Variants in ZCCHC4 observed in about 807,000 individuals in gnomAD.
ZCCHC4 encodes the protein rRNA N(6)-adenosine-methyltransferase ZCCHC4.
In ZCCHC4, 54 loss-of-function variants were observed where a neutral mutation model predicts 67.7. That is an observed-to-expected ratio of 0.80 (90% CI 0.64 to 1.00). The LOEUF (loss-of-function observed/expected upper bound fraction) is 1.00, where lower values mean the gene tolerates loss of function less well. Among genes scored for constraint, ZCCHC4 ranks in the 50% least tolerant of loss-of-function variants. The pLI is 0.00. For synonymous variants in ZCCHC4, 198 were observed against 213.5 expected, an observed-to-expected ratio of 0.93 and a Z score of 0.63; for missense variants, 609 against 617.0, an observed-to-expected ratio of 0.99 and a Z score of 0.14.
chr4:25,328,700 G>T (rs1719020100), intron 3 of ZCCHC4, among the ~76,000 whole-genome samples: 3 of 151,782 alleles, frequency 2.0e-5, no homozygotes, highest in Admixed American at 2.0e-4. Context: ...CCCCACCTCA[G>T]CCTCCTGAGC....
At chr4:25,314,839 T>G (rs1560394664) in intron 2 of ZCCHC4, among the ~76,000 whole-genome samples, 1 of 152,186 alleles carries the variant, frequency 6.6e-6, no homozygotes, top group Non-Finnish European at 1.5e-5. Flanking sequence ...CAGAAAGTGT[T>G]AAAAAACACT....
chr4:25,349,469 A>C (rs368111256), intron 6 of ZCCHC4, 23 bp from the exon 7 acceptor site: 8 of 1,611,390 alleles, frequency 5.0e-6, no homozygotes, highest in Non-Finnish European at 6.8e-6. Context: ...CCTAATTTAG[A>C]AATGAATTTT....
chr4:25,330,351 A>G (rs1719116193), intron 3 of ZCCHC4, among the ~76,000 whole-genome samples: 1 of 151,908 alleles, frequency 6.6e-6, no homozygotes, highest in Non-Finnish European at 1.5e-5. Context: ...ACCTGGTAAT[A>G]TTTTATTGGA....
intron 5 of ZCCHC4, among the ~76,000 whole-genome samples, chr4:25,342,458 G>A (rs931941175): frequency 6.6e-6 from 1 of 152,052 alleles, no homozygotes; most frequent in African/African-American, 2.4e-5. Flanking sequence ...TGCTAAGATG[G>A]ATTTCTATAT....
chr4:25,316,667 T>A (rs780286524), intron 3 of ZCCHC4, among the ~76,000 whole-genome samples: 3 of 152,220 alleles, frequency 2.0e-5, no homozygotes, highest in Non-Finnish European at 4.4e-5. Flanking sequence ...TTGGGTTATC[T>A]TTTTGTTGTT....
At chr4:25,356,354 G>A (rs1386890329) in intron 8 of ZCCHC4, among the ~76,000 whole-genome samples, 2 of 152,154 alleles carry the variant, frequency 1.3e-5, no homozygotes, top group Admixed American at 1.3e-4. Flanking sequence ...CTGAAGCTAT[G>A]AAATATGGAT....
chr4:25,368,604 G>A (rs1047265319), intron 12 of ZCCHC4, among the ~76,000 whole-genome samples: 1 of 152,202 alleles, frequency 6.6e-6, no homozygotes, highest in African/African-American at 2.4e-5. Context: ...CCATTGTGCT[G>A]TTTCATTTTT....
chr4:25,361,426 G>T (rs892092286), intron 8 of ZCCHC4, among the ~76,000 whole-genome samples: 1 of 152,234 alleles, frequency 6.6e-6, no homozygotes, highest in African/African-American at 2.4e-5. Flanking sequence ...TGACTTAGCA[G>T]GTTTGGAGCG....
intron 5 of ZCCHC4, among the ~76,000 whole-genome samples, chr4:25,342,255 C>A (rs1042377012): frequency 3.3e-5 from 5 of 151,916 alleles, no homozygotes; most frequent in Non-Finnish European, 7.4e-5. Context: ...TCATAAAGAC[C>A]ACAGTTAAAT....
At chr4:25,362,069 A>G in intron 9 of ZCCHC4, 89 bp downstream of exon 9, 4 of 1,502,626 alleles carry the variant, frequency 2.7e-6, no homozygotes, top group Non-Finnish European at 3.6e-6. Context: ...GTATTGAATC[A>G]TGTTATTCTT....
In ZCCHC4 at chr4:25,364,439, T is replaced by C. The variant is rs766878393; in HGVS notation, c.1210-15T>C. 212 of 1,481,994 alleles carry C rather than the reference T, an allele frequency of 1.4e-4. No homozygotes were observed. Among genetic ancestry groups the C allele is most frequent in the Non-Finnish European group, 1.8e-4 (204 of 1,114,740 alleles). 91.8% of individuals were successfully genotyped at this position (1,481,994 alleles called of 1,614,324 possible). On this transcript the variant is annotated splice_polypyrimidine_tract_variant and intron_variant, in intron 10 of 12. Transcript: ENST00000302874. The stretch of plus-strand genomic sequence containing the variant: ...AAATTAATTATAATTTAAAAATTGT[T>C]TTTTTTTTTGGTAGGATGGCAGGAA...
chr4:25,361,411 C>T (rs1339930015), intron 8 of ZCCHC4, among the ~76,000 whole-genome samples: 1 of 152,220 alleles, frequency 6.6e-6, no homozygotes, highest in African/African-American at 2.4e-5. Flanking sequence ...CTTTCTGGCA[C>T]AGCATGACTT....
intron 3 of ZCCHC4, among the ~76,000 whole-genome samples, chr4:25,331,476 T>A (rs1344479592): frequency 6.6e-6 from 1 of 152,124 alleles, no homozygotes; most frequent in African/African-American, 2.4e-5. Context: ...GGCTAATTTT[T>A]AAAATTTTTT....
intron 5 of ZCCHC4, among the ~76,000 whole-genome samples, chr4:25,335,142 G>A (rs949840694): frequency 7.2e-5 from 11 of 152,194 alleles, no homozygotes; most frequent in African/African-American, 1.9e-4. Flanking sequence ...AGTGTAAAAT[G>A]TCCGTTTAAA....
intron 3 of ZCCHC4, among the ~76,000 whole-genome samples, chr4:25,326,652 A>G (rs1718898914): frequency 6.6e-6 from 1 of 152,006 alleles, no homozygotes; most frequent in African/African-American, 2.4e-5. Context: ...CATTATTTTC[A>G]AAGTTGTTTC....
Position 25,315,417 on chromosome 4 carries a change from AT to A in ZCCHC4, c.329+22del. On this transcript the variant is annotated intron_variant, in intron 3 of 12. Transcript: ENST00000302874. ...TGTGGAAAGGTACTGATGCAGTGTC[AT>A]TTTTCTTTATTAGTTTAGCTGTCAT... 3.2e-6 allele frequency: 5 copies of A among 1,555,280 alleles called. No homozygotes were observed. The highest frequency in any genetic ancestry group is 1.4e-5 in the African/African-American group (1 of 72,512).
At chr4:25,358,878 C>T (rs1294752087) in intron 8 of ZCCHC4, among the ~76,000 whole-genome samples, 24 of 152,380 alleles carry the variant, frequency 1.6e-4, no homozygotes, top group Non-Finnish European at 1.3e-4. Context: ...GGCTCACTTG[C>T]ACCCAGAGAG....
At position 25,324,268 on chromosome 4, in the gene ZCCHC4, G is replaced by C. The variant is rs557640869; in HGVS notation, c.329+8868G>C. Among the ~76,000 whole-genome samples the C allele has an allele frequency of 7.2e-5, 11 of 151,748 alleles. No homozygotes were observed. The South Asian group carries it at 2.1e-3, about 29-fold the overall frequency. On this transcript the variant is annotated intron_variant, in intron 3 of 12. Coordinates refer to ENST00000302874, the MANE Select transcript of ZCCHC4 (RefSeq NM_024936.3). The stretch of plus-strand genomic sequence containing the variant: ...CTGACCTCATGATCTGCCTGCCTTG[G>C]CCTCCCAAAGTGCTGGGATTACAGG...
intron 8 of ZCCHC4, chr4:25,352,113 T>G: frequency 1.0e-6 from 1 of 987,454 alleles, no homozygotes; most frequent in Non-Finnish European, 1.2e-6. Flanking sequence ...GTTGGTGAAA[T>G]GCCATGCACA....
Sources: gnomAD v4.1 joint callset for allele counts (sites outside exome capture counted in the v4.1 genomes callset) on GRCh38, gnomAD v4.1.1 for gene constraint, MANE v1.5 for transcripts, NCBI Gene and HGNC (gene_info 2026-07-23, HGNC 2026-07-21) for gene names.